METTL15: variants seen among roughly 807,000 people sequenced by gnomAD.
METTL15 encodes the protein methyltransferase 15, mitochondrial 12S rRNA N4-cytidine.
A neutral mutation model predicts 38.3 loss-of-function variants in METTL15; 34 were observed. The observed-to-expected ratio is 0.89, with a 90% CI of 0.68 to 1.18. The LOEUF (loss-of-function observed/expected upper bound fraction) is 1.18, where lower values mean the gene tolerates loss of function less well. Among genes scored for constraint, METTL15 ranks in the 50% most tolerant of loss-of-function variants. The probability of loss-of-function intolerance (pLI) is 0.00; values close to 1 mark genes in which losing one functional copy is unlikely to be tolerated. For synonymous variants in METTL15, 162 were observed against 170.9 expected (o/e 0.95, Z 0.41); for missense variants, 438 against 498.4 (o/e 0.88, Z 1.15).
At chr11:28,425,318 C>G (rs1386060111) in intron 6 of METTL15, among the ~76,000 whole-genome samples, 1 of 152,188 alleles carries the variant, frequency 6.6e-6, no homozygotes, top group Non-Finnish European at 1.5e-5. Context: ...TAAATCCTTT[C>G]CTAGTTTTGC....
At chr11:28,111,969 C>T (rs1028216009) in intron 2 of METTL15, among the ~76,000 whole-genome samples, 3 of 151,998 alleles carry the variant, frequency 2.0e-5, no homozygotes, top group African/African-American at 4.8e-5. Flanking sequence ...CCCCCCCCCA[C>T]CGACATTTTT....
intron 3 of METTL15, among the ~76,000 whole-genome samples, chr11:28,152,795 A>C (rs2133690295): frequency 6.6e-6 from 1 of 151,916 alleles, no homozygotes; most frequent in African/African-American, 2.4e-5. Flanking sequence ...AAGAGTGGCC[A>C]CTCTATAGGC....
In METTL15 at chr11:28,484,426, A is replaced by G. The variant is rs574160518; in HGVS notation, c.*425-42052A>G. Among the ~76,000 whole-genome samples the G allele has an allele frequency of 2.0e-5, 3 of 152,226 alleles. No individual in the cohort carries two copies. In the South Asian group the frequency reaches 6.2e-4, roughly 32 times the overall value. On this transcript the variant is annotated intron_variant and NMD_transcript_variant, in intron 6 of 7. Transcript: ENST00000532947. ...ATGTCACCCGATGAGTCCTGTGGAG[A>G]AGAAATGCTCCAGTGGATGCCCAGC...
chr11:28,262,771 G>T (rs1855259769), intron 4 of METTL15, among the ~76,000 whole-genome samples: 1 of 152,062 alleles, frequency 6.6e-6, no homozygotes, highest in Non-Finnish European at 1.5e-5. Context: ...TTCTCATTCA[G>T]ATTAAGCACC....
intron 4 of METTL15, among the ~76,000 whole-genome samples, chr11:28,249,207 G>A (rs1854635366): frequency 6.6e-6 from 1 of 151,782 alleles, no homozygotes; most frequent in African/African-American, 2.4e-5. Context: ...TCAAACTTGA[G>A]CTTTTGCATC....
At chr11:28,299,349 C>T (rs1216046089) in intron 6 of METTL15, among the ~76,000 whole-genome samples, 2 of 151,994 alleles carry the variant, frequency 1.3e-5, no homozygotes, top group Admixed American at 6.6e-5. Context: ...TCATTCATAC[C>T]TAATTTGATT....
At chr11:28,109,923 C>T (rs1455751098) in intron 1 of METTL15, among the ~76,000 whole-genome samples, 2 of 152,188 alleles carry the variant, frequency 1.3e-5, no homozygotes, top group Admixed American at 1.3e-4. Flanking sequence ...TGCCACCTTG[C>T]TCCTTGTAGT....
At chr11:28,338,967 C>A (rs190273981) in intron 3 of METTL15, among the ~76,000 whole-genome samples, 4 of 152,010 alleles carry the variant, frequency 2.6e-5, no homozygotes, top group Non-Finnish European at 4.4e-5. Flanking sequence ...TTTGTAGCTG[C>A]CAATTGTGAG....
At chr11:28,389,162 A>G (rs1207731805) in intron 5 of METTL15, among the ~76,000 whole-genome samples, 3 of 151,966 alleles carry the variant, frequency 2.0e-5, no homozygotes, top group African/African-American at 4.8e-5. Context: ...GTGTCTTTAT[A>G]GCAGCATGAT....
At chr11:28,114,108 C>A (rs1248370694) in intron 3 of METTL15, among the ~76,000 whole-genome samples, 1 of 152,106 alleles carries the variant, frequency 6.6e-6, no homozygotes, top group Non-Finnish European at 1.5e-5. Flanking sequence ...AGTATGAAAC[C>A]CCATTCCCAT....
intron 3 of METTL15, among the ~76,000 whole-genome samples, chr11:28,199,740 G>A (rs1016945434): frequency 1.7e-4 from 25 of 150,768 alleles, no homozygotes; most frequent in African/African-American, 5.8e-4. Flanking sequence ...ATTAAATTAA[G>A]TTGACTTTTT....
At chr11:28,477,597 C>A (rs1851357834) in intron 6 of METTL15, 1 of 152,130 alleles carries the variant, frequency 6.6e-6, no homozygotes, top group Non-Finnish European at 1.5e-5. Flanking sequence ...TTCTTCATTT[C>A]CTACCTCATC....
At chr11:28,140,498 A>T (rs1849661934) in intron 3 of METTL15, among the ~76,000 whole-genome samples, 1 of 152,178 alleles carries the variant, frequency 6.6e-6, no homozygotes, top group East Asian at 1.9e-4. Flanking sequence ...GAGAAGACTC[A>T]GAAATGAAAG....
intron 6 of METTL15, among the ~76,000 whole-genome samples, chr11:28,475,032 A>G (rs546671116): frequency 6.6e-6 from 1 of 152,254 alleles, no homozygotes; most frequent in East Asian, 1.9e-4. Context: ...TTGATAGCCA[A>G]AGGTGGTTAT....
At chr11:28,353,834 A>T (rs1263146978) in intron 4 of METTL15, among the ~76,000 whole-genome samples, 1 of 150,414 alleles carries the variant, frequency 6.6e-6, no homozygotes, top group Admixed American at 6.7e-5. Context: ...CTGAGGCAGG[A>T]GAATGGCGTG....
At chr11:28,291,985 T>C (rs1419351116) in intron 5 of METTL15, among the ~76,000 whole-genome samples, 5 of 152,148 alleles carry the variant, frequency 3.3e-5, no homozygotes, top group Non-Finnish European at 7.3e-5. Context: ...GTTGAATGGC[T>C]TTCAGGTAGA....
At chr11:28,196,164 G>T (rs1851902001) in intron 3 of METTL15, among the ~76,000 whole-genome samples, 2 of 151,932 alleles carry the variant, frequency 1.3e-5, no homozygotes, top group South Asian at 4.1e-4. Context: ...TTTTTGTTTA[G>T]GATTGCTTTG....
intron 3 of METTL15, among the ~76,000 whole-genome samples, chr11:28,206,277 T>A (rs1299741620): frequency 6.6e-6 from 1 of 151,962 alleles, no homozygotes; most frequent in Admixed American, 6.6e-5. Context: ...CTTGAATTAA[T>A]TTTTGTATAA....
At chr11:28,524,239 A>G (rs1181676129) in intron 6 of METTL15, among the ~76,000 whole-genome samples, 1 of 152,216 alleles carries the variant, frequency 6.6e-6, no homozygotes, top group Non-Finnish European at 1.5e-5. Flanking sequence ...ACGATAATAG[A>G]TGAAATCTAA....
Sources: gnomAD v4.1 joint callset for allele counts (sites outside exome capture counted in the v4.1 genomes callset) on GRCh38, gnomAD v4.1.1 for gene constraint, MANE v1.5 for transcripts, NCBI Gene and HGNC (gene_info 2026-07-23, HGNC 2026-07-21) for gene names.